FIG4: variants seen among roughly 807,000 people sequenced by gnomAD.
FIG4 encodes the protein polyphosphoinositide phosphatase.
In FIG4, 112 loss-of-function variants were observed where a neutral mutation model predicts 118.6. The observed-to-expected ratio is 0.94, with a 90% CI of 0.81 to 1.11. The LOEUF is 1.11. FIG4 is among the 50% of genes least tolerant of loss of function. FIG4 has a pLI of 0.00. For synonymous variants in FIG4, 369 were observed against 381.2 expected, an observed-to-expected ratio of 0.97 and a Z score of 0.37; for missense variants, 969 against 1,111.7, an observed-to-expected ratio of 0.87 and a Z score of 1.83.
intron 22 of FIG4, among the ~76,000 whole-genome samples, chr6:109,823,817 C>G (rs892735729): frequency 6.6e-6 from 1 of 152,160 alleles, no homozygotes; most frequent in Non-Finnish European, 1.5e-5. Context: ...GATTTTCTTT[C>G]CCTGTGTTAT....
intron 21 of FIG4, among the ~76,000 whole-genome samples, chr6:109,795,735 C>T (rs924050334): frequency 6.6e-6 from 1 of 150,726 alleles, no homozygotes; most frequent in African/African-American, 2.4e-5. Context: ...CTGAGTAGCT[C>T]GGACTACAGG....
intron 22 of FIG4, among the ~76,000 whole-genome samples, chr6:109,814,085 G>A (rs1778793205): frequency 6.6e-6 from 1 of 152,134 alleles, no homozygotes; most frequent in African/African-American, 2.4e-5. Flanking sequence ...CAAAAGTGAT[G>A]GTGAGTTCTT....
rs186791368 is a variant in FIG4, at chr6:109,705,439, T to C, written c.67-9639T>C. 1.1e-4 allele frequency among the ~76,000 whole-genome samples: 16 copies of C among 152,286 alleles called. 1 individual carries two copies. Among genetic ancestry groups the C allele is most frequent in the Admixed American group, 1.0e-3 (16 of 15,304 alleles). On this transcript the variant is annotated intron_variant, in intron 1 of 22. Coordinates refer to ENST00000230124, the MANE Select transcript of FIG4 (RefSeq NM_014845.6). ...CTGGCTCCACATGAGGTCGCTATTC[T>C]CTGCACAAAACGTTTTTAGGATTCT... is the stretch of plus-strand genomic sequence containing the variant.
chr6:109,741,505 T>A lies in FIG4; in HGVS notation c.837T>A (p.Phe279Leu), dbSNP rs1224904336. ...VTLIARRSSK[F>L]AGTRFLKRGA... ...TAATAGCTAGAAGATCCAGTAAATT[T>A]GCTGGCACCCGTTTTCTTAAAAGAG... Residue 279 changes from phenylalanine (F) to leucine (L), a missense_variant, in exon 8 of 23, where the codon TTT becomes TTA. Physicochemically the swap from Phe to Leu is conservative, Grantham distance 22. Coordinates refer to ENST00000230124, the MANE Select transcript of FIG4 (RefSeq NM_014845.6). 6.2e-7 allele frequency: 1 copy of A among 1,613,276 alleles called. No homozygotes were observed. The highest frequency in any genetic ancestry group is 8.5e-7 in the Non-Finnish European group (1 of 1,179,324).
intron 22 of FIG4, 46 bp downstream of exon 22, chr6:109,796,897 A>G (rs1394453708): frequency 3.7e-6 from 4 of 1,067,586 alleles, no homozygotes; most frequent in Non-Finnish European, 5.9e-6. Context: ...TATTCATGCC[A>G]CTCATAGGGC....
chr6:109,717,799 C>T (rs1356555949), intron 3 of FIG4, among the ~76,000 whole-genome samples: 1 of 152,180 alleles, frequency 6.6e-6, no homozygotes, highest in African/African-American at 2.4e-5. Context: ...TTGCTTTGGG[C>T]TTTGAAAGCC....
chr6:109,721,402 C>CA (rs1257945549), intron 3 of FIG4, among the ~76,000 whole-genome samples: 4 of 152,106 alleles, frequency 2.6e-5, no homozygotes, highest in African/African-American at 9.7e-5. Context: ...GGTGACCCCC[C>CA]ATACAGGATA....
chr6:109,766,751 G>T lies in FIG4; in HGVS notation c.1606G>T (p.Asp536Tyr). 1 of 1,613,964 alleles carries T rather than the reference G, an allele frequency of 6.2e-7. No homozygotes were observed. Among genetic ancestry groups the T allele is most frequent in the South Asian group, 1.1e-5 (1 of 91,072 alleles). Residue 536 changes from aspartate (D) to tyrosine (Y), a missense_variant, in exon 15 of 23, where the codon GAT becomes TAT. By Grantham distance (160) the Asp-to-Tyr change is radical. Around this residue, in one of 3 missense-constraint regions of FIG4, gnomAD observed 246 missense variants for 354.3 expected, o/e 0.69. Transcript: ENST00000230124. ...TAGGTTATTTGAGGAACTCTATGAA[G>T]ATCATGGTGATACCCTATCCCTTCA... is the stretch of plus-strand genomic sequence containing the variant. ...AVRLFEELYE[D>Y]HGDTLSLQYG...
At chr6:109,766,984 A>C in intron 15 of FIG4, 89 bp downstream of exon 15, 1 of 1,095,114 alleles carries the variant, frequency 9.1e-7, no homozygotes, top group Admixed American at 1.8e-5. Context: ...AGTGAAATTA[A>C]AATTTAATAT....
chr6:109,822,610 A>AGGGGTTACAG (rs1477139492), intron 22 of FIG4, among the ~76,000 whole-genome samples: 1 of 151,850 alleles, frequency 6.6e-6, no homozygotes, highest in Non-Finnish European at 1.5e-5. Flanking sequence ...AGGAAATAAT[A>AGGGGTTACAG]GGGGTTACAG....
Position 109,825,244 on chromosome 6 carries a change from C to T in FIG4, c.2703C>T (p.Tyr901=), listed in dbSNP as rs746890628. 1.9e-6 allele frequency: 3 copies of T among 1,614,078 alleles called. No homozygotes were observed. The highest frequency in any genetic ancestry group is 1.7e-5 in the Admixed American group (1 of 60,028). ...GKEDSSMYRE[Y]IRNRYL ...AGGACTCCTCCATGTACCGAGAGTA[C>T]ATCAGGAACCGCTACCTGTGAAAAG... is the stretch of plus-strand genomic sequence containing the variant. Residue 901 remains tyrosine, a synonymous_variant, in exon 23 of 23, where the codon TAC becomes TAT. Coordinates refer to ENST00000230124, the MANE Select transcript of FIG4 (RefSeq NM_014845.6).
At chr6:109,791,883 G>T (rs1778147850) in intron 20 of FIG4, among the ~76,000 whole-genome samples, 1 of 152,138 alleles carries the variant, frequency 6.6e-6, no homozygotes, top group Non-Finnish European at 1.5e-5. Context: ...CACATTGTTG[G>T]ATCACAGGAT....
At chr6:109,710,727 AT>A (rs1464044516) in intron 1 of FIG4, among the ~76,000 whole-genome samples, 1 of 152,032 alleles carries the variant, frequency 6.6e-6, no homozygotes, top group African/African-American at 2.4e-5. Context: ...ATGTCCAGGA[AT>A]TTATCTATTT....
intron 1 of FIG4, among the ~76,000 whole-genome samples, chr6:109,704,371 T>A (rs1190696456): frequency 1.3e-5 from 2 of 152,052 alleles, no homozygotes; most frequent in Non-Finnish European, 2.9e-5. Flanking sequence ...AATGTGGGCT[T>A]GGGGCCAGGC....
At position 109,786,075 on chromosome 6, in the gene FIG4, C is replaced by T. The variant is rs540214172; in HGVS notation, c.1949-227C>T. 9.7e-5 allele frequency: 53 copies of T among 544,006 alleles called. No homozygotes were observed. In the African/African-American group the frequency reaches 9.9e-4, roughly 10 times the overall value. The allele number at this position is 544,006 out of a possible 1,614,324, so 33.7% of individuals were successfully genotyped here. Reference sequence around the variant, plus strand: ...TCCCATTGGACTTCCTGAGGCCCTCCTGGCTCCTTAGAGCTTGTTGAACTC... The same window carrying T: ...TCCCATTGGACTTCCTGAGGCCCTCTTGGCTCCTTAGAGCTTGTTGAACTC... On this transcript the variant is annotated intron_variant, in intron 17 of 22. Transcript: ENST00000230124.
intron 10 of FIG4, among the ~76,000 whole-genome samples, chr6:109,755,942 C>G (rs534586363): frequency 1.1e-4 from 16 of 152,050 alleles, no homozygotes; most frequent in African/African-American, 3.6e-4. Context: ...TTACATTTAA[C>G]GTTAATATTG....
chr6:109,817,221 G>A (rs1778884285), intron 22 of FIG4, among the ~76,000 whole-genome samples: 1 of 152,138 alleles, frequency 6.6e-6, no homozygotes, highest in Admixed American at 6.5e-5. Flanking sequence ...AGGAGAACCA[G>A]TCCATGTTGC....
chr6:109,805,707 CTCT>C (rs1047529018), intron 22 of FIG4, among the ~76,000 whole-genome samples: 6 of 152,094 alleles, frequency 3.9e-5, no homozygotes, highest in African/African-American at 1.4e-4. Flanking sequence ...TTTTGTTTTA[CTCT>C]TCATGTTAAA....
chr6:109,727,197 G>A lies in FIG4; in HGVS notation c.378G>A (p.Lys126=). Residue 126 remains lysine (K), a synonymous_variant, in exon 4 of 23, where the codon AAG becomes AAA. Transcript: ENST00000230124. ...MADIGGHAIY[K]VEDTNMIYIP... ...ATATTGGAGGTCATGCAATCTATAA[G>A]GTCGAAGATACAAATATGATCTATA... 1 of 1,611,722 alleles carries A rather than the reference G, an allele frequency of 6.2e-7. No individual in the cohort carries two copies. Among genetic ancestry groups the A allele is most frequent in the Non-Finnish European group, 8.5e-7 (1 of 1,177,940 alleles).
Sources: gnomAD v4.1 joint callset for allele counts (sites outside exome capture counted in the v4.1 genomes callset) on GRCh38, gnomAD v4.1.1 for gene constraint, gnomAD v4.1.1 regional missense constraint, MANE v1.5 for transcripts, NCBI Gene and HGNC (gene_info 2026-07-23, HGNC 2026-07-21) for gene names.